The following ZNF420 variants were observed in gnomAD, a reference collection of about 807,000 sequenced individuals.
ZNF420 encodes the protein zinc finger protein 420.
In ZNF420, 31 loss-of-function variants were observed where a neutral mutation model predicts 44.7. That is an observed-to-expected ratio of 0.69 (90% CI 0.52 to 0.94). The LOEUF is 0.94. ZNF420 is among the 40% of genes least tolerant of loss of function. The pLI, the probability that ZNF420 is intolerant of heterozygous loss-of-function variation, is 0.00. For missense variants in ZNF420, 681 were observed against 827.9 expected, an observed-to-expected ratio of 0.82 and a Z score of 2.18; for synonymous variants, 245 against 267.4, an observed-to-expected ratio of 0.92 and a Z score of 0.82.
intron 1 of ZNF420, among the ~76,000 whole-genome samples, chr19:37,034,407 C>T (rs530140184): frequency 3.3e-5 from 5 of 152,186 alleles, no homozygotes; most frequent in East Asian, 3.9e-4. Context: ...TTCTGGATAT[C>T]GATCACTTAT....
chr19:37,022,865 C>T (rs371842222), intron 1 of ZNF420, among the ~76,000 whole-genome samples: 186 of 152,216 alleles, frequency 1.2e-3, no homozygotes, highest in African/African-American at 4.3e-3. Context: ...GGGGCAGGCG[C>T]GGTGGCTCAC....
At chr19:37,085,759 C>CT (rs925646851) in intron 2 of ZNF420, among the ~76,000 whole-genome samples, 73 of 149,684 alleles carry the variant, frequency 4.9e-4, no homozygotes, top group African/African-American at 1.1e-3. Flanking sequence ...CTTCTCTTTT[C>CT]TTTTTTTTTA....
intron 1 of ZNF420, among the ~76,000 whole-genome samples, chr19:37,039,115 A>C (rs1967409552): frequency 6.6e-6 from 1 of 152,138 alleles, no homozygotes; most frequent in African/African-American, 2.4e-5. Context: ...AAGGTCTTGA[A>C]CCCCTCAAAG....
At chr19:37,039,044 C>G (rs934672342) in intron 1 of ZNF420, among the ~76,000 whole-genome samples, 2 of 152,052 alleles carry the variant, frequency 1.3e-5, no homozygotes, top group Non-Finnish European at 2.9e-5. Context: ...CATCTTCAGG[C>G]TCCACTTGTA....
chr19:37,100,657 G>C (rs1969719399), intron 4 of ZNF420, among the ~76,000 whole-genome samples: 1 of 151,882 alleles, frequency 6.6e-6, no homozygotes, highest in Non-Finnish European at 1.5e-5. Flanking sequence ...AGGTTGCAGT[G>C]AGCCAAGAGT....
At chr19:37,071,604 C>T (rs1968058155) in intron 1 of ZNF420, among the ~76,000 whole-genome samples, 1 of 152,058 alleles carries the variant, frequency 6.6e-6, no homozygotes, top group Non-Finnish European at 1.5e-5. Context: ...AGTTCGATAC[C>T]AGCCTGGCCA....
In ZNF420 at chr19:37,091,037, G is replaced by C; in HGVS notation, c.52G>C (p.Glu18Gln). ...FRDVAIDFSQEEWECLDSAQR... is the reference protein window; with the variant it reads ...FRDVAIDFSQQEWECLDSAQR... The stretch of plus-strand genomic sequence containing the variant: ...GGATGTTGCCATTGACTTCTCTCAG[G>C]AAGAGTGGGAATGCCTGGACTCTGC... Residue 18 changes from glutamate (E) to glutamine (Q), a missense_variant, in exon 4 of 5, where the codon GAA (glutamate) becomes CAA (glutamine). Physicochemically the swap from Glu to Gln is conservative, Grantham distance 29. Coordinates refer to ENST00000337995, the MANE Select transcript of ZNF420 (RefSeq NM_144689.5). 1 of 1,613,570 alleles carries C rather than the reference G, an allele frequency of 6.2e-7. No individual in the cohort carries two copies. Among genetic ancestry groups the C allele is most frequent in the Non-Finnish European group, 8.5e-7 (1 of 1,179,848 alleles).
In ZNF420 at chr19:37,078,477, G is replaced by A. The variant is rs1413962263; in HGVS notation, c.-218G>A. 6.6e-6 allele frequency: 1 copy of A among 152,340 alleles called. No individual in the cohort carries two copies. The allele number at this position is 152,340 out of a possible 1,614,324, so 9.4% of individuals were successfully genotyped here. A position where few individuals can be genotyped will look rare whatever the true frequency, so the allele number is the denominator to read the frequency against. On this transcript the variant is annotated 5_prime_UTR_variant, in exon 1 of 5. Transcript: ENST00000337995. ...TGGGGAGAGGGCCGCGTCTGTGGAG[G>A]AGCTTGGCTCCGCACCTGCTGGGCT...
chr19:37,107,642 T>C lies in ZNF420; in HGVS notation c.136+16521T>C, dbSNP rs1452067963. The C allele has an allele frequency of 2.0e-5, 3 of 152,382 alleles. No homozygotes were observed. The South Asian group carries it at 6.3e-4, about 32-fold the overall frequency. 9.4% of individuals were successfully genotyped at this position (152,382 alleles called of 1,614,324 possible). On this transcript the variant is annotated intron_variant, in intron 4 of 4. Transcript: ENST00000337995. ...TTGGACAAAACCGCCATCGTCATCATGGCCCGTTCTCGATGGTCGCTGTCT... is the reference window on the plus strand; with the variant it reads ...TTGGACAAAACCGCCATCGTCATCACGGCCCGTTCTCGATGGTCGCTGTCT...
In ZNF420 at chr19:37,128,916, CA is replaced by C. The variant is rs760050333; in HGVS notation, c.1926del (p.Tyr643IlefsTer16). Reference sequence around the variant, plus strand: ...CAGAGAATTCATACTGGTGAGAAACCATATCAATGTAAGGAATGTGGGAAGG... The same window carrying C: ...CAGAGAATTCATACTGGTGAGAAACCTATCAATGTAAGGAATGTGGGAAGG... ...RHQRIHTGEK[P>X]YQCKECGKAF... On this transcript the variant is annotated frameshift_variant, in exon 5 of 5. Coordinates refer to ENST00000337995, the MANE Select transcript of ZNF420 (RefSeq NM_144689.5). LOFTEE classifies it high-confidence loss of function. The C allele has an allele frequency of 1.2e-6, 2 of 1,614,064 alleles. No individual in the cohort carries two copies. Among genetic ancestry groups the C allele is most frequent in the East Asian group, 2.2e-5 (1 of 44,878 alleles).
intron 4 of ZNF420, among the ~76,000 whole-genome samples, chr19:37,095,415 CT>C (rs1198668937): frequency 6.6e-6 from 1 of 151,890 alleles, no homozygotes; most frequent in Non-Finnish European, 1.5e-5. Context: ...TAGTTCTGTT[CT>C]TTTTTTAACC....
chr19:37,102,925 A>C (rs1357684182), intron 4 of ZNF420, among the ~76,000 whole-genome samples: 1 of 152,132 alleles, frequency 6.6e-6, no homozygotes, highest in African/African-American at 2.4e-5. Context: ...ATATTTTCAA[A>C]TAATTTTGGT....
chr19:37,105,272 T>C (rs1240748852), intron 4 of ZNF420, among the ~76,000 whole-genome samples: 1 of 152,210 alleles, frequency 6.6e-6, no homozygotes, highest in African/African-American at 2.4e-5. Context: ...TCCCCATTTC[T>C]TGTTTTTGTC....
chr19:37,044,285 G>T (rs2146414684), intron 1 of ZNF420, among the ~76,000 whole-genome samples: 1 of 152,310 alleles, frequency 6.6e-6, no homozygotes, highest in Non-Finnish European at 1.5e-5. Flanking sequence ...GGGAGGCCAA[G>T]GCAGGAGGAT....
At chr19:37,077,751 A>G (rs1175401437), upstream of ZNF420, among the ~76,000 whole-genome samples, 1 of 152,168 alleles carries the variant, frequency 6.6e-6, no homozygotes, top group East Asian at 1.9e-4. Context: ...CAGTTACTCA[A>G]TTACGGCCAC....
At chr19:37,077,471 T>A (rs549746082), upstream of ZNF420, among the ~76,000 whole-genome samples, 2 of 152,340 alleles carry the variant, frequency 1.3e-5, no homozygotes, top group Admixed American at 6.5e-5. Context: ...TTTGAAATAA[T>A]CTTTCTAAAA....
chr19:37,095,435 G>A (rs1393670340), intron 4 of ZNF420, among the ~76,000 whole-genome samples: 4 of 151,958 alleles, frequency 2.6e-5, no homozygotes, highest in Non-Finnish European at 4.4e-5. Context: ...CCTACAAAAT[G>A]GGCATTATTT....
At chr19:37,124,278 G>C (rs958048767) in intron 4 of ZNF420, among the ~76,000 whole-genome samples, 1 of 152,166 alleles carries the variant, frequency 6.6e-6, no homozygotes, top group Non-Finnish European at 1.5e-5. Context: ...GTTGAGTAAT[G>C]TTGCATGAAT....
intron 1 of ZNF420, among the ~76,000 whole-genome samples, chr19:37,019,367 A>G (rs1010282132): frequency 2.0e-5 from 3 of 152,244 alleles, no homozygotes; most frequent in African/African-American, 7.2e-5. Flanking sequence ...GTTAAAAAAC[A>G]GAAAATAAGA....
Sources: allele counts gnomAD v4.1 joint callset (sites outside exome capture counted in the v4.1 genomes callset), GRCh38; gene constraint gnomAD v4.1.1; transcripts MANE v1.5; gene names NCBI Gene and HGNC (gene_info 2026-07-23, HGNC 2026-07-21).